The following AHI1 variants were observed in gnomAD, a reference collection of about 807,000 sequenced individuals.
The protein encoded by AHI1 is Abelson helper integration site 1, also known as jouberin.
In AHI1, 123 loss-of-function variants were observed where a neutral mutation model predicts 149.3. The observed-to-expected ratio is 0.82, with a 90% CI of 0.71 to 0.96. The LOEUF (loss-of-function observed/expected upper bound fraction) is 0.96, where lower values mean the gene tolerates loss of function less well. Among genes scored for constraint, AHI1 ranks in the 40% least tolerant of loss-of-function variants. The pLI is 0.00. For synonymous variants in AHI1, 475 were observed against 459.8 expected (o/e 1.03, Z -0.42); for missense variants, 1,439 against 1,422.7 (o/e 1.01, Z -0.18).
At chr6:135,389,944 A>T (rs1404593534) in intron 23 of AHI1, among the ~76,000 whole-genome samples, 1 of 152,216 alleles carries the variant, frequency 6.6e-6, no homozygotes, top group East Asian at 1.9e-4. Flanking sequence ...CATGGGCCAC[A>T]TGATGACTTT....
chr6:135,458,871 T>C (rs1468547420), intron 8 of AHI1, among the ~76,000 whole-genome samples: 1 of 152,148 alleles, frequency 6.6e-6, no homozygotes, highest in Non-Finnish European at 1.5e-5. Context: ...GGCTATGAAT[T>C]ATTAGAGATA....
intron 24 of AHI1, among the ~76,000 whole-genome samples, chr6:135,349,439 GCA>G (rs1228469194): frequency 2.0e-5 from 3 of 152,176 alleles, no homozygotes; most frequent in Admixed American, 6.5e-5. Flanking sequence ...TGGCTAAATT[GCA>G]CAGATATCTG....
intron 5 of AHI1, among the ~76,000 whole-genome samples, chr6:135,475,858 T>C (rs948668788): frequency 6.6e-6 from 1 of 152,168 alleles, no homozygotes; most frequent in Non-Finnish European, 1.5e-5. Context: ...TGAGTCTCTC[T>C]AGTGAATTAT....
At chr6:135,417,069 T>C (rs1782485048) in intron 20 of AHI1, among the ~76,000 whole-genome samples, 1 of 151,982 alleles carries the variant, frequency 6.6e-6, no homozygotes, top group African/African-American at 2.4e-5. Flanking sequence ...TAAAAGAAAA[T>C]AAGTGCTCCA....
chr6:135,431,314 C>G lies in AHI1; in HGVS notation c.2267G>C (p.Gly756Ala), dbSNP rs372012542. 8 of 1,568,206 alleles carry G rather than the reference C, an allele frequency of 5.1e-6. No individual in the cohort carries two copies. The African/African-American group carries it at 1.1e-4, about 21-fold the overall frequency. ...FINSLCFDTE[G>A]HHMYSGDCTG... ...ACAATCTCCTGAATACATATGATGA[C>G]CTATTTAAAAAAATAAGATCACTCA... is the stretch of plus-strand genomic sequence containing the variant. Residue 756 changes from glycine to alanine, a missense_variant and splice_region_variant, in exon 17 of 29, where the codon GGT (glycine) becomes GCT (alanine). Coordinates refer to ENST00000265602, the MANE Select transcript of AHI1 (RefSeq NM_001134831.2).
chr6:135,388,114 G>A (rs1205273525), intron 23 of AHI1: 2 of 1,464,524 alleles, frequency 1.4e-6, no homozygotes, highest in Non-Finnish European at 1.9e-6. Context: ...AGACATTTAA[G>A]GGCATCTGCC....
At chr6:135,492,503 T>C (rs531534256) in intron 3 of AHI1, 683 of 1,168,636 alleles carry the variant, frequency 5.8e-4, no homozygotes, top group Non-Finnish European at 6.9e-4. Context: ...AACTAGATCA[T>C]ATCTGAATAA....
chr6:135,405,096 T>A lies in AHI1; in HGVS notation c.2962-119A>T, dbSNP rs138817985. 1.8e-4 allele frequency: 139 copies of A among 785,298 alleles called. No individual in the cohort carries two copies. In the East Asian group the frequency reaches 3.7e-3, roughly 21 times the overall value. The allele number at this position is 785,298 out of a possible 1,614,324, so 48.6% of individuals were successfully genotyped here. On this transcript the variant is annotated intron_variant, in intron 21 of 28. Coordinates refer to ENST00000265602, the MANE Select transcript of AHI1 (RefSeq NM_001134831.2). Reference sequence around the variant, plus strand: ...AAATCAGCATTTGGAAGTTTCTTTATCCATTATCCTGCCGTTGTCACTCTG... The same window carrying A: ...AAATCAGCATTTGGAAGTTTCTTTAACCATTATCCTGCCGTTGTCACTCTG...
At chr6:135,291,640 C>T (rs1365185482) in intron 27 of AHI1, among the ~76,000 whole-genome samples, 1 of 152,102 alleles carries the variant, frequency 6.6e-6, no homozygotes, top group East Asian at 1.9e-4. Flanking sequence ...CTGTGGTATT[C>T]TCTGTGGCAC....
At chr6:135,415,770 A>G (rs2127985288) in intron 20 of AHI1, among the ~76,000 whole-genome samples, 1 of 152,230 alleles carries the variant, frequency 6.6e-6, no homozygotes, top group East Asian at 1.9e-4. Flanking sequence ...GTCCATTGAC[A>G]GGTGAATGGA....
At chr6:135,427,058 A>G in intron 20 of AHI1, 109 bp downstream of exon 20, 2 of 1,112,500 alleles carry the variant, frequency 1.8e-6, no homozygotes, top group Non-Finnish European at 2.5e-6. Flanking sequence ...ATAAGGGCAC[A>G]ATTATTATGT....
chr6:135,340,787 A>G (rs1233534936), intron 24 of AHI1, among the ~76,000 whole-genome samples: 1 of 150,204 alleles, frequency 6.7e-6, no homozygotes, highest in Non-Finnish European at 1.5e-5. Flanking sequence ...CTTAAAATGT[A>G]TAAAGATGTA....
chr6:135,399,730 C>T (rs1169356541), intron 22 of AHI1, among the ~76,000 whole-genome samples: 4 of 151,596 alleles, frequency 2.6e-5, no homozygotes, highest in African/African-American at 9.7e-5. Flanking sequence ...CTAACCTTTG[C>T]CCCACTGTTT....
intron 23 of AHI1, among the ~76,000 whole-genome samples, chr6:135,375,942 T>G (rs1159838975): frequency 1.3e-5 from 2 of 152,022 alleles, no homozygotes; most frequent in Admixed American, 6.6e-5. Context: ...GGCTAACTGG[T>G]TCATATCAAA....
At position 135,370,734 on chromosome 6, in the gene AHI1, T is replaced by A. The variant is rs186294606; in HGVS notation, c.3110-12547A>T. Reference sequence around the variant, plus strand: ...CTTCTCAATAATATGGTAAGAGTGATGATCATTACAATGTACATATTAATT... The same window carrying A: ...CTTCTCAATAATATGGTAAGAGTGAAGATCATTACAATGTACATATTAATT... On this transcript the variant is annotated intron_variant, in intron 23 of 28. Coordinates refer to ENST00000265602, the MANE Select transcript of AHI1 (RefSeq NM_001134831.2). Among the ~76,000 whole-genome samples, 139 of 152,358 alleles carry A rather than the reference T, an allele frequency of 9.1e-4. 2 individuals are homozygous for A. The highest frequency in any genetic ancestry group is 3.0e-3 in the African/African-American group (124 of 41,592).
intron 28 of AHI1, among the ~76,000 whole-genome samples, chr6:135,290,040 C>CT (rs1782146384): frequency 6.6e-6 from 1 of 152,114 alleles, no homozygotes; most frequent in African/African-American, 2.4e-5. Context: ...CAGATGGCTC[C>CT]TTCTCAAGTG....
chr6:135,397,750 T>C (rs1402861667), intron 22 of AHI1, among the ~76,000 whole-genome samples: 1 of 152,090 alleles, frequency 6.6e-6, no homozygotes, highest in Non-Finnish European at 1.5e-5. Context: ...CTTTGGGAGA[T>C]ATATAGTACT....
At chr6:135,381,083 C>G (rs1194506847) in intron 23 of AHI1, among the ~76,000 whole-genome samples, 1 of 152,016 alleles carries the variant, frequency 6.6e-6, no homozygotes, top group East Asian at 1.9e-4. Flanking sequence ...TTTACATTAG[C>G]TTTTAAAGTG....
intron 26 of AHI1, among the ~76,000 whole-genome samples, chr6:135,305,895 G>C (rs999290841): frequency 6.6e-6 from 1 of 152,168 alleles, no homozygotes; most frequent in African/African-American, 2.4e-5. Flanking sequence ...GCAGGCTTTT[G>C]CACATGCTGT....
Sources: allele counts gnomAD v4.1 joint callset (sites outside exome capture counted in the v4.1 genomes callset), GRCh38; gene constraint gnomAD v4.1.1; transcripts MANE v1.5; gene names NCBI Gene and HGNC (gene_info 2026-07-23, HGNC 2026-07-21).